The following ANKRD40CL variants were observed in gnomAD, a reference collection of about 807,000 sequenced individuals.
ANKRD40CL encodes putative ANKRD40 C-terminal-like protein.
For missense variants in ANKRD40CL, 11 were observed against 6.4 expected (o/e 1.71, Z -0.77); for synonymous variants, 5 against 2.3 (o/e 2.14, Z -1.04).
rs763514751 is a variant in ANKRD40CL at position 50,766,950 on chromosome 17, C to A, written c.-37G>T. The A allele has an allele frequency of 2.8e-6, 2 of 702,110 alleles. No homozygotes were observed. Among genetic ancestry groups the A allele is most frequent in the South Asian group, 1.5e-5 (1 of 67,586 alleles). 43.5% of individuals were successfully genotyped at this position (702,110 alleles called of 1,614,324 possible). On this transcript the variant is annotated 5_prime_UTR_variant, in exon 2 of 4. Transcript: ENST00000450727. ...AGTCCGTCAGATGTGCAGCCCCTCT[C>A]GCATTTATGCACAAGCTCCCAACCA...
intron 2 of ANKRD40CL, chr17:50,764,327 A>G (rs1971258983): frequency 5.0e-6 from 2 of 398,362 alleles, no homozygotes; most frequent in East Asian, 7.1e-5. Flanking sequence ...AGGATGCCCC[A>G]CTTCCACTTC....
At chr17:50,767,418 A>G (rs1327504924) in intron 1 of ANKRD40CL, 45 bp downstream of exon 1, 1 of 327,748 alleles carries the variant, frequency 3.1e-6, no homozygotes, top group Admixed American at 4.0e-5. Flanking sequence ...CCCCTTCCTC[A>G]GCAGCTGTGC....
rs1567890285 is a variant in ANKRD40CL at position 50,766,945 on chromosome 17, C to A, written c.-32G>T. 1 of 702,008 alleles carries A rather than the reference C, an allele frequency of 1.4e-6. No homozygotes were observed. The highest frequency in any genetic ancestry group is 2.7e-5 in the East Asian group (1 of 37,278). 43.5% of individuals were successfully genotyped at this position (702,008 alleles called of 1,614,324 possible). A position where few individuals can be genotyped will look rare whatever the true frequency, so the allele number is the denominator to read the frequency against. On this transcript the variant is annotated 5_prime_UTR_variant, in exon 2 of 4. Coordinates refer to ENST00000450727, the MANE Select transcript of ANKRD40CL (RefSeq NM_001358683.3). ...CCTCTAGTCCGTCAGATGTGCAGCC[C>A]CTCTCGCATTTATGCACAAGCTCCC... is the stretch of plus-strand genomic sequence containing the variant.
chr17:50,765,901 C>G (rs1363313133), intron 2 of ANKRD40CL, among the ~76,000 whole-genome samples: 2 of 152,204 alleles, frequency 1.3e-5, no homozygotes, highest in African/African-American at 4.8e-5. Flanking sequence ...GGCACATGCT[C>G]CATTGTCCCA....
At chr17:50,763,287 T>C (rs1395351742) in intron 3 of ANKRD40CL, 110 bp downstream of exon 3, 1 of 398,242 alleles carries the variant, frequency 2.5e-6, no homozygotes, top group East Asian at 3.6e-5. Flanking sequence ...GTTTGGCCGT[T>C]TTGCAGCCAG....
chr17:50,765,788 G>T (rs376784485), intron 2 of ANKRD40CL, among the ~76,000 whole-genome samples: 1 of 152,198 alleles, frequency 6.6e-6, no homozygotes, highest in East Asian at 1.9e-4. Flanking sequence ...CTGGGCAAAG[G>T]TGACAGCGGA....
At chr17:50,765,504 T>C (rs544331164) in intron 2 of ANKRD40CL, among the ~76,000 whole-genome samples, 4 of 152,314 alleles carry the variant, frequency 2.6e-5, no homozygotes, top group Admixed American at 6.5e-5. Flanking sequence ...ACAGGAAAAT[T>C]GAGGCTGAAA....
intron 2 of ANKRD40CL, among the ~76,000 whole-genome samples, chr17:50,765,473 C>A (rs929773092): frequency 1.3e-5 from 2 of 152,120 alleles, no homozygotes; most frequent in Non-Finnish European, 2.9e-5. Flanking sequence ...GGGGTATGCA[C>A]ATTATTATTT....
rs1971242474 is a variant in ANKRD40CL at position 50,763,529 on chromosome 17, G to A, written c.69C>T (p.Asp23=). Residue 23 remains aspartate, a synonymous_variant, in exon 3 of 4, where the codon GAC becomes GAT. Coordinates refer to ENST00000450727, the MANE Select transcript of ANKRD40CL (RefSeq NM_001358683.3). ...AVRIQNPKEN[D]FIEIELKRQE... is the part of the protein sequence containing the mutation. ...GTCTCTTCAGTTCAATTTCAATGAA[G>A]TCATTTTCTTTGGGGTTCTGAATTC... The A allele has an allele frequency of 2.5e-6, 1 of 399,002 alleles. No homozygotes were observed. The highest frequency in any genetic ancestry group is 4.4e-5 in the Admixed American group (1 of 22,724). The allele number at this position is 399,002 out of a possible 1,614,324, so 24.7% of individuals were successfully genotyped here. A position where few individuals can be genotyped will look rare whatever the true frequency, so the allele number is the denominator to read the frequency against.
intron 2 of ANKRD40CL, chr17:50,766,585 T>C: frequency 2.6e-6 from 1 of 391,420 alleles, no homozygotes; most frequent in Non-Finnish European, 4.5e-6. Flanking sequence ...CAATCCTACC[T>C]CACCAGATTG....
chr17:50,761,785 G>C (rs1223896433), intron 3 of ANKRD40CL, among the ~76,000 whole-genome samples: 1 of 151,798 alleles, frequency 6.6e-6, no homozygotes, highest in Non-Finnish European at 1.5e-5. Context: ...CATCATGCCC[G>C]GCTAATTTTT....
chr17:50,765,263 T>G (rs967933057), intron 2 of ANKRD40CL, among the ~76,000 whole-genome samples: 1 of 152,250 alleles, frequency 6.6e-6, no homozygotes, highest in Non-Finnish European at 1.5e-5. Flanking sequence ...TTTTACTTTT[T>G]AAAACATGGC....
intron 2 of ANKRD40CL, chr17:50,763,953 A>T (rs577630037): frequency 2.5e-6 from 1 of 392,308 alleles, no homozygotes. Context: ...TCCTTAAAGA[A>T]GCTATTGTGC....
At chr17:50,763,135 T>A (rs1971232587) in intron 3 of ANKRD40CL, 1 of 310,068 alleles carries the variant, frequency 3.2e-6, no homozygotes, top group Non-Finnish European at 5.9e-6. Context: ...GACCTTGTGA[T>A]CTGCCCACCT....
chr17:50,764,004 C>A (rs1028057792), intron 2 of ANKRD40CL: 33 of 395,508 alleles, frequency 8.3e-5, no homozygotes, highest in Non-Finnish European at 1.4e-4. Context: ...CCACCACCCC[C>A]ACTCCTCCAG....
At chr17:50,767,271 C>A in intron 1 of ANKRD40CL, 192 bp downstream of exon 1, 1 of 479,530 alleles carries the variant, frequency 2.1e-6, no homozygotes, top group Non-Finnish European at 4.0e-6. Context: ...AGGCACCCAG[C>A]CAGACCCGAG....
intron 3 of ANKRD40CL, among the ~76,000 whole-genome samples, chr17:50,762,021 A>G (rs1461251878): frequency 6.6e-6 from 1 of 151,484 alleles, no homozygotes; most frequent in African/African-American, 2.4e-5. Context: ...TGCAGCTTCA[A>G]CCTCCTAGGC....
In ANKRD40CL at chr17:50,765,784, A is replaced by T. The variant is rs1971298141; in HGVS notation, c.40+1090T>A. Among the ~76,000 whole-genome samples the T allele has an allele frequency of 2.0e-5, 3 of 152,140 alleles. No homozygotes were observed. The South Asian group carries it at 6.2e-4, about 31-fold the overall frequency. ...CTTCTGATCCTTGTTTTGCCTGGGC[A>T]AAGGTGACAGCGGAATGAGGGACTC... On this transcript the variant is annotated intron_variant, in intron 2 of 3. Transcript: ENST00000450727.
chr17:50,763,776 T>C, intron 2 of ANKRD40CL: 1 of 385,690 alleles, frequency 2.6e-6, no homozygotes, highest in Non-Finnish European at 4.6e-6. Flanking sequence ...TATGCCCCCA[T>C]TATATCCACT....
Sources: gnomAD v4.1 joint callset for allele counts (sites outside exome capture counted in the v4.1 genomes callset) on GRCh38, gnomAD v4.1.1 for gene constraint, MANE v1.5 for transcripts, NCBI Gene and HGNC (gene_info 2026-07-23, HGNC 2026-07-21) for gene names.